DCC: variants seen among roughly 807,000 people sequenced by gnomAD.
DCC encodes DCC netrin 1 receptor.
Under a neutral mutation model 172.5 loss-of-function variants are expected in DCC, and 58 were observed. The observed-to-expected ratio is 0.34, with a 90% confidence interval of 0.27 to 0.42. The LOEUF (loss-of-function observed/expected upper bound fraction) is 0.42. Ranked by LOEUF, DCC falls within the 10% of genes least tolerant of loss-of-function variation. The pLI is 1.00. For missense variants in DCC, 1,740 were observed against 1,791.0 expected (o/e 0.97, Z 0.51); for synonymous variants, 709 against 644.5 (o/e 1.10, Z -1.52).
At chr18:53,046,141 T>C (rs2042234610) in intron 5 of DCC, among the ~76,000 whole-genome samples, 1 of 151,912 alleles carries the variant, frequency 6.6e-6, no homozygotes, top group Non-Finnish European at 1.5e-5. Context: ...AGCTGGAATA[T>C]AATCGATGCT....
At chr18:53,144,416 G>T (rs1568329932) in intron 7 of DCC, among the ~76,000 whole-genome samples, 1 of 152,172 alleles carries the variant, frequency 6.6e-6, no homozygotes, top group Non-Finnish European at 1.5e-5. Context: ...CCTGGTTGGG[G>T]AGGCCTGGCA....
intron 7 of DCC, among the ~76,000 whole-genome samples, chr18:53,125,552 T>C (rs2043543762): frequency 6.6e-6 from 1 of 152,162 alleles, no homozygotes; most frequent in African/African-American, 2.4e-5. Flanking sequence ...TTTGTTGGGT[T>C]TGATGTTTGG....
rs78871121 is a variant in DCC at position 52,861,035 on chromosome 18, T to C, written c.413-45009T>C. Among the ~76,000 whole-genome samples, 21 of 151,756 alleles carry C rather than the reference T, an allele frequency of 1.4e-4. No individual in the cohort carries two copies. In the South Asian group the frequency reaches 1.7e-3, roughly 12 times the overall value. On this transcript the variant is annotated intron_variant, in intron 2 of 28. Coordinates refer to ENST00000442544, the MANE Select transcript of DCC (RefSeq NM_005215.4). The stretch of plus-strand genomic sequence containing the variant: ...TCAAAAAAAAAAAAAAAAAAAATTT[T>C]GGCTTCACTGTGACTTTTTCATAAC...
rs566454057 is a variant in DCC, at chr18:52,709,554, C to A, written c.92-42500C>A. ...AGGAACTTGACCTGTGTGTGCTGGC[C>A]TGTGTGCTCTTCTTCGATTTAATTC... On this transcript the variant is annotated intron_variant, in intron 1 of 28. Transcript: ENST00000442544. Among the ~76,000 whole-genome samples, 1,098 of 152,258 alleles carry A rather than the reference C, an allele frequency of 7.2e-3. 8 individuals carry two copies. Among genetic ancestry groups the A allele is most frequent in the Non-Finnish European group, 0.012 (849 of 68,020 alleles).
intron 1 of DCC, among the ~76,000 whole-genome samples, chr18:52,645,684 A>T (rs192485154): frequency 2.2e-4 from 33 of 152,318 alleles, no homozygotes; most frequent in African/African-American, 2.6e-4. Flanking sequence ...AAATAAAAAA[A>T]AATTATTGAC....
At chr18:52,737,341 A>T (rs1455465369) in intron 1 of DCC, among the ~76,000 whole-genome samples, 2 of 152,138 alleles carry the variant, frequency 1.3e-5, no homozygotes, top group East Asian at 3.9e-4. Context: ...AGTTACCCAG[A>T]CATCTTTTTA....
chr18:53,061,997 A>G (rs1420373477), intron 5 of DCC, among the ~76,000 whole-genome samples: 1 of 152,122 alleles, frequency 6.6e-6, no homozygotes, highest in Non-Finnish European at 1.5e-5. Flanking sequence ...GAGGTATTCA[A>G]GTAATATTTC....
intron 10 of DCC, among the ~76,000 whole-genome samples, chr18:53,207,460 T>A (rs1043252289): frequency 6.6e-6 from 1 of 152,190 alleles, no homozygotes; most frequent in African/African-American, 2.4e-5. Context: ...TGGAACTTAA[T>A]GACTGTAAAA....
chr18:52,418,085 G>C (rs1255439982), intron 1 of DCC, among the ~76,000 whole-genome samples: 1 of 152,120 alleles, frequency 6.6e-6, no homozygotes, highest in Non-Finnish European at 1.5e-5. Flanking sequence ...CTTGCTCCAG[G>C]TCCTGAAAAT....
At chr18:52,746,923 AAGG>A (rs1024621104) in intron 1 of DCC, among the ~76,000 whole-genome samples, 3 of 151,828 alleles carry the variant, frequency 2.0e-5, no homozygotes, top group East Asian at 1.9e-4. Context: ...AAAAAAAAAA[AAGG>A]AGGAGAAGAA....
intron 22 of DCC, among the ~76,000 whole-genome samples, chr18:53,439,832 T>C (rs1313602521): frequency 6.9e-6 from 1 of 145,384 alleles, no homozygotes; most frequent in Non-Finnish European, 1.5e-5. Context: ...TGGCGGGATC[T>C]CGGCTCACTG....
At chr18:52,843,941 C>A (rs8098877) in intron 2 of DCC, among the ~76,000 whole-genome samples, 14,118 of 152,096 alleles carry the variant, frequency 0.093, 729 homozygotes, top group South Asian at 0.2. Flanking sequence ...CTTTAATCCT[C>A]CTTAGAAAAT....
At chr18:52,821,420 G>A (rs560414197) in intron 2 of DCC, among the ~76,000 whole-genome samples, 19 of 152,252 alleles carry the variant, frequency 1.2e-4, no homozygotes, top group African/African-American at 4.1e-4. Context: ...ATATATGCTG[G>A]CAGTATATTC....
At chr18:53,031,316 A>G (rs1020602036) in intron 5 of DCC, among the ~76,000 whole-genome samples, 1 of 152,184 alleles carries the variant, frequency 6.6e-6, no homozygotes, top group African/African-American at 2.4e-5. Context: ...TCTTGATAAA[A>G]TTATTTCATA....
At chr18:52,506,621 A>G (rs549583528) in intron 1 of DCC, among the ~76,000 whole-genome samples, 2 of 152,246 alleles carry the variant, frequency 1.3e-5, no homozygotes, top group East Asian at 3.9e-4. Flanking sequence ...ACTATGATTA[A>G]TGTTATATGA....
intron 1 of DCC, among the ~76,000 whole-genome samples, chr18:52,380,331 T>C (rs1985531245): frequency 6.6e-6 from 1 of 152,138 alleles, no homozygotes; most frequent in African/African-American, 2.4e-5. Flanking sequence ...ATCTTGCAAA[T>C]TAGCAAGATA....
intron 5 of DCC, among the ~76,000 whole-genome samples, chr18:52,997,820 CTG>C (rs931318260): frequency 6.6e-6 from 1 of 151,936 alleles, no homozygotes. Context: ...TCATTTGCTC[CTG>C]TGTGTCTTTA....
intron 15 of DCC, among the ~76,000 whole-genome samples, chr18:53,366,924 C>T (rs979040061): frequency 6.6e-5 from 10 of 152,242 alleles, no homozygotes; most frequent in South Asian, 6.2e-4. Context: ...AGATGGAAGC[C>T]ACAGGGGATA....
chr18:52,452,847 G>T (rs1378477990), intron 1 of DCC, among the ~76,000 whole-genome samples: 1 of 152,198 alleles, frequency 6.6e-6, no homozygotes, highest in East Asian at 1.9e-4. Flanking sequence ...TAAAGACTAG[G>T]TGGGACACAC....
Sources: gnomAD v4.1 joint callset for allele counts (sites outside exome capture counted in the v4.1 genomes callset) on GRCh38, gnomAD v4.1.1 for gene constraint, MANE v1.5 for transcripts, NCBI Gene and HGNC (gene_info 2026-07-23, HGNC 2026-07-21) for gene names.